The following TMEM45B variants were observed in gnomAD, a reference collection of about 807,000 sequenced individuals.
TMEM45B encodes the protein transmembrane protein 45B.
In TMEM45B, 29 loss-of-function variants were observed where a neutral mutation model predicts 27.3. The observed-to-expected ratio is 1.06, with a 90% CI of 0.79 to 1.45. TMEM45B has a LOEUF of 1.45. Among genes scored for constraint, TMEM45B ranks in the 40% most tolerant of loss-of-function variants. The pLI, the probability that TMEM45B is intolerant of heterozygous loss-of-function variation, is 0.00. For missense variants in TMEM45B, 348 were observed against 343.9 expected (o/e 1.01, Z -0.09); for synonymous variants, 143 against 134.7 (o/e 1.06, Z -0.43).
At chr11:129,857,172 A>C in intron 4 of TMEM45B, 141 bp from the exon 5 acceptor site, 1 of 971,708 alleles carries the variant, frequency 1.0e-6, no homozygotes, top group Middle Eastern at 3.2e-4. Context: ...TTCTATGTGA[A>C]AAGGCCTTTC....
intron 2 of TMEM45B, among the ~76,000 whole-genome samples, chr11:129,853,829 CGG>C (rs1947883040): frequency 6.6e-6 from 1 of 152,312 alleles, no homozygotes; most frequent in South Asian, 2.1e-4. Flanking sequence ...ATCTGGGAAA[CGG>C]AGTCCAAAAT....
chr11:129,857,367 G>A lies in TMEM45B; in HGVS notation c.625G>A (p.Asp209Asn), dbSNP rs1264863678. The A allele has an allele frequency of 6.2e-7, 1 of 1,614,206 alleles. No individual in the cohort carries two copies. The highest frequency in any genetic ancestry group is 1.7e-5 in the Admixed American group (1 of 60,032). Reference sequence around the variant, plus strand: ...AACACCCGAATGGGACCAGAAGGATGATGCCAACCTCATGTTCATCACCAT... The same window carrying A: ...AACACCCGAATGGGACCAGAAGGATAATGCCAACCTCATGTTCATCACCAT... ...FGTPEWDQKD[D>N]ANLMFITMCF... Residue 209 changes from aspartate to asparagine, a missense_variant, in exon 5 of 6, where the codon GAT becomes AAT. Asp to Asn is a conservative substitution (Grantham distance 23). Coordinates refer to ENST00000281441, the MANE Select transcript of TMEM45B (RefSeq NM_138788.5).
intron 1 of TMEM45B, among the ~76,000 whole-genome samples, chr11:129,846,584 G>C (rs2135589057): frequency 6.6e-6 from 1 of 152,244 alleles, no homozygotes; most frequent in South Asian, 2.1e-4. Flanking sequence ...GCGGTAAGCT[G>C]TGGACTAACC....
intron 1 of TMEM45B, among the ~76,000 whole-genome samples, chr11:129,819,158 CAA>C (rs1001156212): frequency 2.6e-5 from 4 of 152,186 alleles, no homozygotes; most frequent in Admixed American, 2.6e-4. Context: ...GGTTCCATGA[CAA>C]AGAGAGCTTT....
intron 1 of TMEM45B, among the ~76,000 whole-genome samples, chr11:129,837,923 A>C (rs1211490221): frequency 6.6e-6 from 1 of 151,388 alleles, no homozygotes; most frequent in Non-Finnish European, 1.5e-5. Flanking sequence ...CTGGGACTAC[A>C]GGTGCCCGCC....
At chr11:129,828,126 T>C (rs1947508045) in intron 1 of TMEM45B, 1 of 152,212 alleles carries the variant, frequency 6.6e-6, no homozygotes, top group Admixed American at 6.5e-5. Flanking sequence ...TTCATCATTA[T>C]CCATTGTATT....
intron 1 of TMEM45B, among the ~76,000 whole-genome samples, chr11:129,834,813 CAAAAAA>C (rs56304121): frequency 1.5e-5 from 2 of 132,154 alleles, no homozygotes; most frequent in African/African-American, 2.7e-5. Context: ...TCCATCTCCA[CAAAAAA>C]AAAAAAAAAA....
At chr11:129,842,317 C>T (rs537413447) in intron 1 of TMEM45B, among the ~76,000 whole-genome samples, 2 of 152,220 alleles carry the variant, frequency 1.3e-5, no homozygotes, top group East Asian at 1.9e-4. Flanking sequence ...ACTCAACCAA[C>T]ACTGAATTTA....
At chr11:129,819,559 C>A (rs899999109) in intron 1 of TMEM45B, among the ~76,000 whole-genome samples, 9 of 151,726 alleles carry the variant, frequency 5.9e-5, no homozygotes, top group Non-Finnish European at 8.8e-5. Context: ...TTTCTTTTCT[C>A]TCTCTCTCTC....
intron 1 of TMEM45B, among the ~76,000 whole-genome samples, chr11:129,836,143 G>A (rs1339196347): frequency 7.2e-5 from 11 of 151,916 alleles, no homozygotes; most frequent in South Asian, 2.1e-4. Flanking sequence ...AAAATTGAAC[G>A]GAATTTGCCC....
At chr11:129,825,610 A>G (rs1947468726) in intron 1 of TMEM45B, among the ~76,000 whole-genome samples, 1 of 150,536 alleles carries the variant, frequency 6.6e-6, no homozygotes, top group African/African-American at 2.4e-5. Context: ...GAGTTCTTGC[A>G]AGGGGAAGAG....
intron 1 of TMEM45B, among the ~76,000 whole-genome samples, chr11:129,819,355 T>C (rs757721431): frequency 4.6e-5 from 7 of 151,988 alleles, no homozygotes; most frequent in Non-Finnish European, 1.0e-4. Context: ...AGTCTGGAGG[T>C]GAGAAGGCTG....
At chr11:129,854,560 G>A in intron 2 of TMEM45B, 50 bp from the exon 3 acceptor site, 2 of 1,583,226 alleles carry the variant, frequency 1.3e-6, no homozygotes, top group Non-Finnish European at 8.6e-7. Flanking sequence ...GCTCCTATTT[G>A]TCTTAGAGCT....
chr11:129,843,914 T>G (rs1442186466), intron 1 of TMEM45B, among the ~76,000 whole-genome samples: 2 of 152,198 alleles, frequency 1.3e-5, no homozygotes, highest in Non-Finnish European at 2.9e-5. Context: ...AAAATAGAGC[T>G]ACCCTATGAT....
chr11:129,855,866 A>G lies in TMEM45B; in HGVS notation c.544A>G (p.Ile182Val), dbSNP rs1421748124. 1 of 1,613,978 alleles carries G rather than the reference A, an allele frequency of 6.2e-7. No individual in the cohort carries two copies. Among genetic ancestry groups the G allele is most frequent in the Non-Finnish European group, 8.5e-7 (1 of 1,180,022 alleles). ...GGAACTTTTCCGAACCAGTCTCATC[A>G]TTCTTCAGGGAACCTGGTTCTGGCA... ...VLELFRTSLI[I>V]LQGTWFWQIG... Residue 182 changes from isoleucine (I) to valine (V), a missense_variant, in exon 4 of 6, where the codon ATT (isoleucine) becomes GTT (valine). By Grantham distance (29) the Ile-to-Val change is conservative. Coordinates refer to ENST00000281441, the MANE Select transcript of TMEM45B (RefSeq NM_138788.5).
Position 129,852,463 on chromosome 11 carries a change from C to G in TMEM45B, c.-8-12C>G. 7 of 1,579,836 alleles carry G rather than the reference C, an allele frequency of 4.4e-6. No homozygotes were observed. The highest frequency in any genetic ancestry group is 6.1e-6 in the Non-Finnish European group (7 of 1,153,954). On this transcript the variant is annotated splice_polypyrimidine_tract_variant and intron_variant, in intron 1 of 5. Transcript: ENST00000281441. ...TCATTAGCCACCTAACAGCCTTCCC[C>G]TAATTTTTTAGGTGTCCTGATGGCA...
intron 2 of TMEM45B, among the ~76,000 whole-genome samples, 162 bp from the exon 3 acceptor site, chr11:129,854,448 C>A (rs371116417): frequency 6.6e-6 from 1 of 152,226 alleles, no homozygotes; most frequent in East Asian, 1.9e-4. Context: ...CTACTTTATA[C>A]TGAAGCAGCT....
intron 1 of TMEM45B, among the ~76,000 whole-genome samples, chr11:129,839,950 C>G (rs1565368212): frequency 1.3e-5 from 2 of 152,182 alleles, no homozygotes; most frequent in Non-Finnish European, 2.9e-5. Flanking sequence ...TCCTTAAGTA[C>G]TTTTTTATTT....
intron 1 of TMEM45B, among the ~76,000 whole-genome samples, chr11:129,849,368 A>G (rs1947812528): frequency 7.2e-5 from 11 of 152,222 alleles, no homozygotes; most frequent in Admixed American, 7.2e-4. Flanking sequence ...AAAACTCAAC[A>G]TTAGATCTTA....
Sources: allele counts gnomAD v4.1 joint callset (sites outside exome capture counted in the v4.1 genomes callset), GRCh38; gene constraint gnomAD v4.1.1; transcripts MANE v1.5; gene names NCBI Gene and HGNC (gene_info 2026-07-23, HGNC 2026-07-21).